Variants in KDM4B observed in about 807,000 individuals in gnomAD.
KDM4B encodes lysine demethylase 4B.
KDM4B carries 32 observed loss-of-function variants against 125.2 expected under a neutral mutation model. The ratio of observed to expected loss-of-function variants is 0.26; its 90% CI spans 0.19 to 0.34. The LOEUF (loss-of-function observed/expected upper bound fraction) is 0.34, where lower values mean the gene tolerates loss of function less well. Ranked by LOEUF, KDM4B falls within the 10% of genes least tolerant of loss-of-function variation. The probability of loss-of-function intolerance (pLI) is 1.00; values close to 1 mark genes in which losing one functional copy is unlikely to be tolerated. For synonymous variants in KDM4B, 721 were observed against 677.9 expected (o/e 1.06, Z -0.99); for missense variants, 1,190 against 1,577.7 (o/e 0.75, Z 4.16).
At position 5,135,426 on chromosome 19, in the gene KDM4B, C is replaced by A; in HGVS notation, c.2173C>A (p.Arg725=). 1 of 1,613,652 alleles carries A rather than the reference C, an allele frequency of 6.2e-7. No homozygotes were observed. ...TLPSKSRQKT[R]PLIPEMCFTS... Reference sequence around the variant, plus strand: ...ACCCTCCAAAAGCCGTCAGAAGACCCGACCGCTCATCCCTGAGATGTGCTT... The same window carrying A: ...ACCCTCCAAAAGCCGTCAGAAGACCAGACCGCTCATCCCTGAGATGTGCTT... Residue 725 remains arginine (R), a synonymous_variant, in exon 15 of 23, where the codon CGA becomes AGA. Transcript: ENST00000159111.
intron 2 of KDM4B, among the ~76,000 whole-genome samples, chr19:5,023,181 G>A (rs1342548463): frequency 6.6e-6 from 1 of 152,186 alleles, no homozygotes; most frequent in East Asian, 1.9e-4. Context: ...CTGTGGCTGC[G>A]GAGGTGGAGG....
At chr19:5,060,647 C>T (rs935072835) in intron 6 of KDM4B, among the ~76,000 whole-genome samples, 106 of 152,036 alleles carry the variant, frequency 7.0e-4, no homozygotes, top group African/African-American at 2.4e-3. Flanking sequence ...ATGGTGGGGG[C>T]TGCCTCCTGG....
chr19:5,077,031 C>T (rs992136046), intron 7 of KDM4B: 3 of 319,910 alleles, frequency 9.4e-6, no homozygotes, highest in East Asian at 6.4e-5. Context: ...GGTCCTTCCC[C>T]TGGTGAGGAG....
At chr19:5,008,679 C>G (rs1027024786) in intron 1 of KDM4B, among the ~76,000 whole-genome samples, 6 of 150,904 alleles carry the variant, frequency 4.0e-5, no homozygotes, top group South Asian at 2.1e-4. Context: ...TAACCTCTGC[C>G]TTCTGGGTTC....
At chr19:5,015,300 T>C (rs1033165674) in intron 1 of KDM4B, among the ~76,000 whole-genome samples, 1 of 151,822 alleles carries the variant, frequency 6.6e-6, no homozygotes, top group Non-Finnish European at 1.5e-5. Flanking sequence ...CAGGTTGGAG[T>C]GCGTGCAATG....
chr19:5,134,167 G>A, intron 14 of KDM4B, 106 bp downstream of exon 14: 4 of 1,092,742 alleles, frequency 3.7e-6, no homozygotes, highest in Non-Finnish European at 5.2e-6. Context: ...GCAGGGCAGG[G>A]TGTTGGCCAG....
At chr19:5,112,340 G>T in intron 10 of KDM4B, 1 of 156,164 alleles carries the variant, frequency 6.4e-6, no homozygotes, top group South Asian at 1.9e-4. Context: ...TGGCAGGTCT[G>T]GTCTTTGAGC....
intron 18 of KDM4B, among the ~76,000 whole-genome samples, chr19:5,139,164 T>C (rs2146086001): frequency 6.6e-6 from 1 of 152,310 alleles, no homozygotes; most frequent in Non-Finnish European, 1.5e-5. Flanking sequence ...CCTTGAGATC[T>C]TCCTGCCTTG....
At chr19:4,990,732 C>T (rs1019531670) in intron 1 of KDM4B, among the ~76,000 whole-genome samples, 4 of 152,204 alleles carry the variant, frequency 2.6e-5, no homozygotes, top group Non-Finnish European at 5.9e-5. Flanking sequence ...GTAATTCTAA[C>T]ACTGTGCATT....
chr19:5,045,178 G>A (rs778652146), intron 5 of KDM4B, among the ~76,000 whole-genome samples: 8 of 152,180 alleles, frequency 5.3e-5, no homozygotes, highest in Non-Finnish European at 7.3e-5. Context: ...GCGAATGAAC[G>A]TTCCCAGGGC....
At chr19:5,030,552 A>G (rs1184401101) in intron 2 of KDM4B, among the ~76,000 whole-genome samples, 1 of 152,212 alleles carries the variant, frequency 6.6e-6, no homozygotes, top group Non-Finnish European at 1.5e-5. Flanking sequence ...GGAGGCAGGA[A>G]GAGGCCATGT....
intron 2 of KDM4B, among the ~76,000 whole-genome samples, chr19:5,028,470 C>T (rs2036350690): frequency 6.6e-6 from 1 of 152,198 alleles, no homozygotes. Context: ...TGTGTTGATT[C>T]ATTCTTCTGT....
intron 6 of KDM4B, among the ~76,000 whole-genome samples, chr19:5,051,803 G>A (rs977846936): frequency 5.3e-5 from 8 of 152,344 alleles, no homozygotes; most frequent in African/African-American, 1.7e-4. Flanking sequence ...CCCATGACCC[G>A]CGGCAGTCTG....
chr19:5,127,989 C>T (rs942903687), intron 11 of KDM4B, among the ~76,000 whole-genome samples: 1 of 152,172 alleles, frequency 6.6e-6, no homozygotes, highest in African/African-American at 2.4e-5. Flanking sequence ...GTCTCTGGCC[C>T]CACAGCCCTG....
intron 21 of KDM4B, among the ~76,000 whole-genome samples, chr19:5,146,855 C>T (rs576186847): frequency 2.5e-4 from 33 of 131,894 alleles, no homozygotes; most frequent in East Asian, 2.2e-3. Flanking sequence ...GTGGGAGGAT[C>T]GCTTGAACCC....
chr19:5,000,782 C>A (rs1440802865), intron 1 of KDM4B, among the ~76,000 whole-genome samples: 2 of 152,156 alleles, frequency 1.3e-5, no homozygotes, highest in Admixed American at 1.3e-4. Context: ...CAAGGATTTT[C>A]CTCCTCAACT....
At chr19:5,064,195 G>A (rs2037695007) in intron 6 of KDM4B, among the ~76,000 whole-genome samples, 3 of 152,202 alleles carry the variant, frequency 2.0e-5, no homozygotes, top group Admixed American at 2.0e-4. Flanking sequence ...TGGCCCTCCT[G>A]GGCTTGCGTG....
intron 1 of KDM4B, among the ~76,000 whole-genome samples, chr19:4,996,895 C>T (rs2035219209): frequency 1.3e-5 from 2 of 152,210 alleles, no homozygotes; most frequent in African/African-American, 2.4e-5. Flanking sequence ...CTGGGCCCTG[C>T]AGGGTGCTGA....
chr19:5,048,038 T>C (rs1355501510), intron 6 of KDM4B, among the ~76,000 whole-genome samples: 22 of 152,206 alleles, frequency 1.4e-4, no homozygotes, highest in Admixed American at 1.4e-3. Context: ...GAAGGGACAC[T>C]GTCCATGCTG....
Sources: allele counts gnomAD v4.1 joint callset (sites outside exome capture counted in the v4.1 genomes callset), GRCh38; gene constraint gnomAD v4.1.1; transcripts MANE v1.5; gene names NCBI Gene and HGNC (gene_info 2026-07-23, HGNC 2026-07-21).